Variants in PYCR3 observed in about 807,000 individuals in gnomAD.
The protein encoded by PYCR3 is P5C reductase 3.
In PYCR3, 26 loss-of-function variants were observed where a neutral mutation model predicts 23.4. That is an observed-to-expected ratio of 1.11 (90% CI 0.81 to 1.54). PYCR3 has a LOEUF of 1.54. PYCR3 is among the 40% of genes most tolerant of loss of function. The pLI is 0.00. For synonymous variants in PYCR3, 194 were observed against 162.6 expected, an observed-to-expected ratio of 1.19 and a Z score of -1.47; for missense variants, 360 against 376.3, an observed-to-expected ratio of 0.96 and a Z score of 0.36.
At chr8:143,606,762 C>A (rs1829413877) in intron 3 of PYCR3, 83 bp from the exon 4 acceptor site, 1 of 1,427,830 alleles carries the variant, frequency 7.0e-7, no homozygotes, top group Non-Finnish European at 9.4e-7. Flanking sequence ...CAGGAAAGGT[C>A]CACGTCAGCT....
At position 143,609,545 on chromosome 8, in the gene PYCR3, C is replaced by T. The variant is rs1180257788; in HGVS notation, c.4G>A (p.Ala2Thr). M[A>T]AAEPSPRRVG... ...CGCCGCGGAGACGGCTCCGCAGCTG[C>T]CATCTTGTTGCCTCGGACGCCGCTG... The change falls in exon 1 of 6, where the codon GCA becomes ACA. Residue 2 changes from alanine (A) to threonine (T), a missense_variant. Transcript: ENST00000495276. 3.3e-6 allele frequency: 5 copies of T among 1,508,746 alleles called. No homozygotes were observed. The highest frequency in any genetic ancestry group is 2.1e-5 in the Admixed American group (1 of 47,970). The allele number at this position is 1,508,746 out of a possible 1,614,324, so 93.5% of individuals were successfully genotyped here.
At position 143,604,041 on chromosome 8, in the gene PYCR3, C is replaced by G. The variant is rs571652428; in HGVS notation, c.*1659G>C. On this transcript the variant is annotated 3_prime_UTR_variant, in exon 6 of 6. Transcript: ENST00000495276. ...TCCCAAGTAGCTGGGATTACAGGCA[C>G]GCACCACCACATCCAGCTAATTTTG... 6.6e-6 allele frequency: 1 copy of G among 152,112 alleles called. No individual in the cohort carries two copies. Among genetic ancestry groups the G allele is most frequent in the Non-Finnish European group, 1.5e-5 (1 of 68,036 alleles). The allele number at this position is 152,112 out of a possible 1,614,324, so 9.4% of individuals were successfully genotyped here.
Position 143,604,342 on chromosome 8 carries a change from G to C in PYCR3, c.*1358C>G, listed in dbSNP as rs755217. Reference sequence around the variant, plus strand: ...CTGAGTCAGCCTGCCCTGGGAACCAGGCAGGGGAGGGAGCTTACGGACGGG... The same window carrying C: ...CTGAGTCAGCCTGCCCTGGGAACCACGCAGGGGAGGGAGCTTACGGACGGG... On this transcript the variant is annotated 3_prime_UTR_variant, in exon 6 of 6. Transcript: ENST00000495276. The C allele has an allele frequency of 6.5e-6, 1 of 154,420 alleles. No individual in the cohort carries two copies. Among genetic ancestry groups the C allele is most frequent in the African/African-American group, 2.4e-5 (1 of 41,376 alleles). 9.6% of individuals were successfully genotyped at this position (154,420 alleles called of 1,614,324 possible).
At position 143,605,271 on chromosome 8, in the gene PYCR3, C is replaced by T. The variant is rs1020989584; in HGVS notation, c.*429G>A. 1 of 282,140 alleles carries T rather than the reference C, an allele frequency of 3.5e-6. No homozygotes were observed. The highest frequency in any genetic ancestry group is 2.2e-5 in the African/African-American group (1 of 45,096). 17.5% of individuals were successfully genotyped at this position (282,140 alleles called of 1,614,324 possible). On this transcript the variant is annotated 3_prime_UTR_variant, in exon 6 of 6. Transcript: ENST00000495276. ...GATGAGGCAGCCGGCCTGGCTGTAG[C>T]TGCACGGAGCCACCTGGAAAGCCAA...
At chr8:143,606,343 T>G (rs1231908812) in intron 4 of PYCR3, 124 bp downstream of exon 4, 1 of 1,150,902 alleles carries the variant, frequency 8.7e-7, no homozygotes, top group Non-Finnish European at 1.3e-6. Flanking sequence ...GAGCTCCCAG[T>G]GGGCCTGGGG....
Position 143,607,012 on chromosome 8 carries a change from T to C in PYCR3, c.277A>G (p.Thr93Ala). 6.2e-7 allele frequency: 1 copy of C among 1,613,090 alleles called. No individual in the cohort carries two copies. Among genetic ancestry groups the C allele is most frequent in the Non-Finnish European group, 8.5e-7 (1 of 1,179,768 alleles). Residue 93 changes from threonine (T) to alanine (A), a missense_variant, in exon 3 of 6, where the codon ACC becomes GCC. Transcript: ENST00000495276. ...AVLAEVAPVV[T>A]TEHILVSVAA... ...ACGGACACCAAGATGTGTTCAGTGG[T>C]GACCACAGGAGCCACCTCTGCCAGG...
chr8:143,607,157 G>C, intron 2 of PYCR3, 25 bp from the exon 3 acceptor site: 1 of 1,515,654 alleles, frequency 6.6e-7, no homozygotes, highest in Admixed American at 2.1e-5. Context: ...CCAGGACCAA[G>C]CCTCAGGGGC....
intron 1 of PYCR3, chr8:143,608,706 G>A (rs1829465013): frequency 1.3e-5 from 5 of 387,458 alleles, no homozygotes; most frequent in Admixed American, 8.4e-5. Flanking sequence ...AATCATGACA[G>A]TGGCAGCCAA....
Position 143,605,817 on chromosome 8 carries a change from G to C in PYCR3, c.708C>G (p.Thr236=). Residue 236 remains threonine (T), a synonymous_variant, in exon 6 of 6, where the codon ACC becomes ACG. Coordinates refer to ENST00000495276, the MANE Select transcript of PYCR3 (RefSeq NM_023078.6). ...HPAQLRSDVC[T]PGGTTIYGLH... ...GTCCATAGATGGTGGTGCCACCCGG[G>C]GTGCACACGTCTGAGCGCAGCTGGG... 1.9e-6 allele frequency: 3 copies of C among 1,612,102 alleles called. No individual in the cohort carries two copies. The highest frequency in any genetic ancestry group is 2.5e-6 in the Non-Finnish European group (3 of 1,179,678).
chr8:143,605,504 G>A lies in PYCR3; in HGVS notation c.*196C>T. 1 of 582,994 alleles carries A rather than the reference G, an allele frequency of 1.7e-6. No individual in the cohort carries two copies. The highest frequency in any genetic ancestry group is 2.3e-5 in the South Asian group (1 of 44,232). 36.1% of individuals were successfully genotyped at this position (582,994 alleles called of 1,614,324 possible). On this transcript the variant is annotated 3_prime_UTR_variant, in exon 6 of 6. Transcript: ENST00000495276. ...ACGGTGCCTTCTGCTCACTGGGGAG[G>A]GAGGAGTGTCCCCACTGGTCGGGGC...
At position 143,606,090 on chromosome 8, in the gene PYCR3, G is replaced by A. The variant is rs778889809; in HGVS notation, c.614C>T (p.Ala205Val). Residue 205 changes from alanine to valine, a missense_variant, in exon 5 of 6, where the codon GCC becomes GTC. Coordinates refer to ENST00000495276, the MANE Select transcript of PYCR3 (RefSeq NM_023078.6). ...AVKMGMPSSL[A>V]HRIAAQTLLG... ...CAGGGTCTGGGCAGCGATGCGGTGG[G>A]CCAGGCTGCTGGGCATGCCCATCTT... The A allele has an allele frequency of 6.2e-7, 1 of 1,610,376 alleles. No homozygotes were observed.
chr8:143,608,143 AG>A lies in PYCR3; in HGVS notation c.92-18del. ...CCACTTTTCCTGGAAAGAAAGGAAA[AG>A]GAAGAGGGGTTGGTGAAGGGGTGGG... On this transcript the variant is annotated intron_variant, in intron 1 of 5. Transcript: ENST00000495276. The A allele has an allele frequency of 1.9e-6, 3 of 1,606,966 alleles. No homozygotes were observed. Among genetic ancestry groups the A allele is most frequent in the Non-Finnish European group, 2.6e-6 (3 of 1,173,910 alleles).
At position 143,606,070 on chromosome 8, in the gene PYCR3, T is replaced by C; in HGVS notation, c.634A>G (p.Thr212Ala). 1 of 1,608,414 alleles carries C rather than the reference T, an allele frequency of 6.2e-7. No homozygotes were observed. The highest frequency in any genetic ancestry group is 8.5e-7 in the Non-Finnish European group (1 of 1,178,000). The change falls in exon 5 of 6, where the codon ACC (threonine) becomes GCC (alanine). Residue 212 changes from threonine (T) to alanine (A), a missense_variant. Transcript: ENST00000495276. ...SSLAHRIAAQTLLGTAKMLLH... is the reference protein window; with the variant it reads ...SSLAHRIAAQALLGTAKMLLH... ...GGGCCACCCTCACTCACCAGCAGGG[T>C]CTGGGCAGCGATGCGGTGGGCCAGG...
rs760804980 is a variant in PYCR3, at chr8:143,606,158, T to C, written c.550-4A>G. On this transcript the variant is annotated splice_region_variant and splice_polypyrimidine_tract_variant and intron_variant, in intron 4 of 5. Transcript: ENST00000495276. ...GGGCCTCGGAGAATGCACACACCTG[T>C]AGCCGCGGCATGGTGGTTGGGGGGG... The C allele has an allele frequency of 2.5e-5, 40 of 1,603,836 alleles. No homozygotes were observed. The East Asian group carries it at 7.6e-4, about 31-fold the overall frequency.
intron 3 of PYCR3, 58 bp downstream of exon 3, chr8:143,606,895 C>A: frequency 1.3e-6 from 2 of 1,520,456 alleles, no homozygotes; most frequent in South Asian, 1.3e-5. Flanking sequence ...GCCTGCCGCC[C>A]AAGCCTGGCC....
chr8:143,609,563 C>T lies in PYCR3; in HGVS notation c.-15G>A, dbSNP rs1177129656. 1 of 1,487,478 alleles carries T rather than the reference C, an allele frequency of 6.7e-7. No homozygotes were observed. Among genetic ancestry groups the T allele is most frequent in the Non-Finnish European group, 8.9e-7 (1 of 1,126,458 alleles). 92.1% of individuals were successfully genotyped at this position (1,487,478 alleles called of 1,614,324 possible). ...GCAGCTGCCATCTTGTTGCCTCGGA[C>T]GCCGCTGCGCTCACCGCCCATCCAC... is the stretch of plus-strand genomic sequence containing the variant. On this transcript the variant is annotated 5_prime_UTR_variant, in exon 1 of 6. Coordinates refer to ENST00000495276, the MANE Select transcript of PYCR3 (RefSeq NM_023078.6).
intron 3 of PYCR3, 128 bp from the exon 4 acceptor site, chr8:143,606,807 G>T: frequency 7.6e-7 from 1 of 1,319,950 alleles, no homozygotes; most frequent in Non-Finnish European, 1.0e-6. Flanking sequence ...CCCAGGTACA[G>T]CACCAGGAGG....
intron 4 of PYCR3, 132 bp downstream of exon 4, chr8:143,606,335 G>T: frequency 9.0e-7 from 1 of 1,111,998 alleles, no homozygotes; most frequent in Non-Finnish European, 1.3e-6. Flanking sequence ...GACAAGCAGA[G>T]CTCCCAGTGG....
intron 4 of PYCR3, 50 bp from the exon 5 acceptor site, chr8:143,606,204 G>T: frequency 6.6e-7 from 1 of 1,521,760 alleles, no homozygotes; most frequent in Non-Finnish European, 8.9e-7. Context: ...AAGCCTGGGG[G>T]CTCAGGACCT....
Sources: gnomAD v4.1 joint callset for allele counts on GRCh38, gnomAD v4.1.1 for gene constraint, MANE v1.5 for transcripts, NCBI Gene and HGNC (gene_info 2026-07-23, HGNC 2026-07-21) for gene names.